HTR7: variants seen among roughly 807,000 people sequenced by gnomAD.
HTR7 encodes the protein 5-hydroxytryptamine receptor 7.
A neutral mutation model predicts 34.0 loss-of-function variants in HTR7; 16 were observed. The observed-to-expected ratio is 0.47, with a 90% CI of 0.32 to 0.71. HTR7 has a LOEUF of 0.71. Among genes scored for constraint, HTR7 ranks in the 30% least tolerant of loss-of-function variants. HTR7 has a pLI of 0.04. For synonymous variants in HTR7, 265 were observed against 260.2 expected (o/e 1.02, Z -0.18); for missense variants, 504 against 625.5 (o/e 0.81, Z 2.07).
rs551386424 is a variant in HTR7, at chr10:90,840,345, G to C, written c.539+16788C>G. Among the ~76,000 whole-genome samples the C allele has an allele frequency of 2.2e-3, 336 of 152,222 alleles. 1 individual carries two copies. Among genetic ancestry groups the C allele is most frequent in the Middle Eastern group, 0.01 (3 of 294 alleles). ...TAACTGATGGCAGGGAGTGACAGCAGCTTTCTCATCTGTAAAATGGGGATA... is the reference window on the plus strand; with the variant it reads ...TAACTGATGGCAGGGAGTGACAGCACCTTTCTCATCTGTAAAATGGGGATA... On this transcript the variant is annotated intron_variant, in intron 1 of 3. Coordinates refer to ENST00000336152, the MANE Select transcript of HTR7 (RefSeq NM_019859.4).
At chr10:90,804,936 G>C (rs1845680856) in intron 1 of HTR7, among the ~76,000 whole-genome samples, 1 of 152,146 alleles carries the variant, frequency 6.6e-6, no homozygotes, top group African/African-American at 2.4e-5. Context: ...CATAAAAGTT[G>C]ACAAAGACTC....
intron 1 of HTR7, among the ~76,000 whole-genome samples, chr10:90,852,557 C>A: frequency 6.6e-6 from 1 of 152,090 alleles, no homozygotes; most frequent in East Asian, 1.9e-4. Flanking sequence ...ATGTTCAGAG[C>A]AGCACTATTA....
At chr10:90,821,996 C>CAT (rs1410200521) in intron 1 of HTR7, among the ~76,000 whole-genome samples, 1 of 152,160 alleles carries the variant, frequency 6.6e-6, no homozygotes, top group Non-Finnish European at 1.5e-5. Context: ...CTCTTTTCTG[C>CAT]ATAAATTACC....
intron 1 of HTR7, among the ~76,000 whole-genome samples, chr10:90,844,180 C>G (rs1253800423): frequency 6.6e-6 from 1 of 152,216 alleles, no homozygotes; most frequent in Non-Finnish European, 1.5e-5. Flanking sequence ...GATTTACTAT[C>G]TTATCCCAAG....
intron 1 of HTR7, among the ~76,000 whole-genome samples, chr10:90,820,643 A>T (rs1379422370): frequency 6.6e-6 from 1 of 152,224 alleles, no homozygotes; most frequent in Non-Finnish European, 1.5e-5. Context: ...AGACAGTCCC[A>T]CTGAGTCTGT....
intron 1 of HTR7, among the ~76,000 whole-genome samples, chr10:90,765,559 C>A (rs542332766): frequency 2.7e-5 from 4 of 150,494 alleles, no homozygotes; most frequent in African/African-American, 9.8e-5. Flanking sequence ...TTATGTCCTT[C>A]CTCCTGCTAA....
chr10:90,757,781 A>T (rs932812010), intron 1 of HTR7, among the ~76,000 whole-genome samples: 5 of 152,214 alleles, frequency 3.3e-5, no homozygotes, highest in Admixed American at 2.6e-4. Context: ...CAACAATGAA[A>T]GGAAAAAAGA....
intron 1 of HTR7, among the ~76,000 whole-genome samples, chr10:90,822,792 GCCT>G (rs1200818365): frequency 6.6e-6 from 1 of 152,192 alleles, no homozygotes; most frequent in African/African-American, 2.4e-5. Flanking sequence ...GCTCTGTGCA[GCCT>G]CGAGACATGT....
chr10:90,760,611 G>A (rs1448974177), intron 1 of HTR7, among the ~76,000 whole-genome samples: 1 of 152,160 alleles, frequency 6.6e-6, no homozygotes, highest in Non-Finnish European at 1.5e-5. Flanking sequence ...TGGACGCACT[G>A]GCTCACACCT....
intron 1 of HTR7, among the ~76,000 whole-genome samples, chr10:90,824,010 C>T (rs1316754836): frequency 1.3e-5 from 2 of 152,212 alleles, no homozygotes; most frequent in Non-Finnish European, 2.9e-5. Context: ...ATTACTGAGT[C>T]TCAGGTAGTT....
chr10:90,817,524 G>T (rs1172815488), intron 1 of HTR7, among the ~76,000 whole-genome samples: 1 of 152,008 alleles, frequency 6.6e-6, no homozygotes, highest in Non-Finnish European at 1.5e-5. Flanking sequence ...AGATTTACTG[G>T]GCACTAACTA....
chr10:90,817,721 G>A (rs1589464742), intron 1 of HTR7, among the ~76,000 whole-genome samples: 2 of 152,188 alleles, frequency 1.3e-5, no homozygotes, highest in East Asian at 3.8e-4. Flanking sequence ...TGAGACTTGT[G>A]CCTTAATCAC....
At position 90,850,966 on chromosome 10, in the gene HTR7, C is replaced by T. The variant is rs192567100; in HGVS notation, c.539+6167G>A. On this transcript the variant is annotated intron_variant, in intron 1 of 3. Coordinates refer to ENST00000336152, the MANE Select transcript of HTR7 (RefSeq NM_019859.4). ...AGAATGGAACAGTAGTAGTGTTTGA[C>T]GAGATAACAGCAAACTGATTAAAGA... Among the ~76,000 whole-genome samples the T allele has an allele frequency of 3.0e-3, 464 of 152,210 alleles. 2 individuals carry two copies. The highest frequency in any genetic ancestry group is 8.9e-3 in the African/African-American group (368 of 41,536).
Position 90,743,677 on chromosome 10 carries a change from T to C in HTR7, c.1309A>G (p.Arg437Gly). Residue 437 changes from arginine to glycine, a missense_variant, in exon 3 of 4, where the codon AGG becomes GGG. Physicochemically the swap from Arg to Gly is moderately radical, Grantham distance 125 (BLOSUM62 -2). Transcript: ENST00000336152. The part of the protein sequence containing the change: ...RPEFVLRACT[R>G]RVLLRPEKRP... Reference sequence around the variant, plus strand: ...TTTTCTGGTCTCAACAGCACCCTCCTTGTGCAGGCCCTCCTGCAATTTATG... The same window carrying C: ...TTTTCTGGTCTCAACAGCACCCTCCCTGTGCAGGCCCTCCTGCAATTTATG... The C allele has an allele frequency of 6.2e-7, 1 of 1,613,550 alleles. No individual in the cohort carries two copies. The highest frequency in any genetic ancestry group is 1.7e-5 in the Admixed American group (1 of 59,986).
intron 1 of HTR7, among the ~76,000 whole-genome samples, chr10:90,831,463 G>GT (rs1846175882): frequency 6.6e-6 from 1 of 152,204 alleles, no homozygotes; most frequent in East Asian, 1.9e-4. Context: ...AATCTTCGCT[G>GT]TGAGTGTTAC....
chr10:90,783,847 T>C (rs1175060652), intron 1 of HTR7, among the ~76,000 whole-genome samples: 1 of 152,206 alleles, frequency 6.6e-6, no homozygotes, highest in Non-Finnish European at 1.5e-5. Flanking sequence ...GGGTCTTCTT[T>C]TCTCATGCTC....
chr10:90,821,038 C>T (rs1845970394), intron 1 of HTR7, among the ~76,000 whole-genome samples: 2 of 151,842 alleles, frequency 1.3e-5, no homozygotes, highest in South Asian at 2.1e-4. Flanking sequence ...GGAGGTGGAA[C>T]AAAATGGATG....
rs151174910 is a variant in HTR7 at position 90,797,459 on chromosome 10, A to C, written c.540-47865T>G. Reference sequence around the variant, plus strand: ...TTGTATCAAAAATAGCCATAATCTAAATGAAAAACTATTCTAAGAACAAAA... The same window carrying C: ...TTGTATCAAAAATAGCCATAATCTACATGAAAAACTATTCTAAGAACAAAA... On this transcript the variant is annotated intron_variant, in intron 1 of 3. Transcript: ENST00000336152. 5.9e-5 allele frequency among the ~76,000 whole-genome samples: 9 copies of C among 152,348 alleles called. No individual in the cohort carries two copies. In the East Asian group the frequency reaches 1.7e-3, roughly 29 times the overall value.
chr10:90,777,299 G>A (rs1845231995), intron 1 of HTR7, among the ~76,000 whole-genome samples: 1 of 151,952 alleles, frequency 6.6e-6, no homozygotes, highest in Non-Finnish European at 1.5e-5. Flanking sequence ...TGACCAACAT[G>A]GTGAAACCCT....
Sources: allele counts gnomAD v4.1 joint callset (sites outside exome capture counted in the v4.1 genomes callset), GRCh38; gene constraint gnomAD v4.1.1; transcripts MANE v1.5; gene names NCBI Gene and HGNC (gene_info 2026-07-23, HGNC 2026-07-21).